UGT1A8: variants seen among roughly 807,000 people sequenced by gnomAD.
UGT1A8 encodes the protein UDP-glucuronosyltransferase 1A8.
Under a neutral mutation model 45.3 loss-of-function variants are expected in UGT1A8, and 39 were observed. The observed-to-expected ratio is 0.86, with a 90% confidence interval of 0.67 to 1.12. UGT1A8 has a LOEUF of 1.12. Ranked by LOEUF, UGT1A8 falls within the 50% of genes most tolerant of loss-of-function variation. The pLI is 0.00. For synonymous variants in UGT1A8, 275 were observed against 249.2 expected, an observed-to-expected ratio of 1.10 and a Z score of -0.97; for missense variants, 719 against 664.9, an observed-to-expected ratio of 1.08 and a Z score of -0.90.
intron 1 of UGT1A8, among the ~76,000 whole-genome samples, chr2:233,671,697 C>T (rs1390190660): frequency 6.6e-6 from 1 of 152,192 alleles, no homozygotes; most frequent in East Asian, 1.9e-4. Flanking sequence ...TGTTCTGCCC[C>T]CAAGGCAAAG....
chr2:233,721,801 A>T, intron 1 of UGT1A8: 1 of 514,724 alleles, frequency 1.9e-6, no homozygotes, highest in Non-Finnish European at 3.9e-6. Context: ...AAGCACATGC[A>T]GCAAAAATCC....
chr2:233,683,579 T>A (rs2074640899), intron 1 of UGT1A8, among the ~76,000 whole-genome samples: 1 of 152,208 alleles, frequency 6.6e-6, no homozygotes, highest in South Asian at 2.1e-4. Context: ...ATCTTCCTAC[T>A]CAAGAATATG....
intron 1 of UGT1A8, among the ~76,000 whole-genome samples, chr2:233,661,026 T>C (rs1034201364): frequency 1.3e-5 from 2 of 152,114 alleles, no homozygotes; most frequent in Non-Finnish European, 2.9e-5. Context: ...CATATTAGAG[T>C]ATATAGGTAT....
intron 1 of UGT1A8, among the ~76,000 whole-genome samples, chr2:233,705,446 C>G (rs1313066011): frequency 6.6e-6 from 1 of 152,110 alleles, no homozygotes. Flanking sequence ...TTCAGAATTG[C>G]ACATATTTTT....
chr2:233,618,234 A>C lies in UGT1A8; in HGVS notation c.527A>C (p.Tyr176Ser). Reference sequence around the variant, plus strand: ...TTCGCCAGGGGAATAGCTTGCCACTATCTTGAAGAAGGTGCACAGTGCCCT... The same window carrying C: ...TTCGCCAGGGGAATAGCTTGCCACTCTCTTGAAGAAGGTGCACAGTGCCCT... Reference protein sequence around the residue: ...VVFARGIACHYLEEGAQCPAP... With the variant: ...VVFARGIACHSLEEGAQCPAP... The change falls in exon 1 of 5, where the codon TAT becomes TCT. Residue 176 changes from tyrosine (Y) to serine (S), a missense_variant. Physicochemically the swap from Tyr to Ser is moderately radical, Grantham distance 144 (BLOSUM62 -2). Coordinates refer to ENST00000373450, the MANE Select transcript of UGT1A8 (RefSeq NM_019076.5). 1.9e-6 allele frequency: 3 copies of C among 1,613,944 alleles called. No homozygotes were observed. The highest frequency in any genetic ancestry group is 2.5e-6 in the Non-Finnish European group (3 of 1,179,880).
chr2:233,719,036 G>T lies in UGT1A8; in HGVS notation c.856-47998G>T, dbSNP rs148862762. Reference sequence around the variant, plus strand: ...AGGTGAATATGCACATCAAAGAAGAGAAATTTTTCACCCTGACAGCCTATG... The same window carrying T: ...AGGTGAATATGCACATCAAAGAAGATAAATTTTTCACCCTGACAGCCTATG... On this transcript the variant is annotated intron_variant, in intron 1 of 4. Transcript: ENST00000373450. 1.2e-4 allele frequency: 194 copies of T among 1,614,156 alleles called. 1 individual carries two copies. The highest frequency in any genetic ancestry group is 3.6e-5 in the Non-Finnish European group (43 of 1,180,050).
chr2:233,670,101 T>C (rs1215329828), intron 1 of UGT1A8, among the ~76,000 whole-genome samples: 32 of 152,240 alleles, frequency 2.1e-4, no homozygotes, highest in Admixed American at 2.1e-3. Context: ...ATATGTGTTA[T>C]ATACTGTATT....
At chr2:233,682,724 A>C in intron 1 of UGT1A8, 1 of 1,613,894 alleles carries the variant, frequency 6.2e-7, no homozygotes, top group South Asian at 1.1e-5. Context: ...GGAGTATCCC[A>C]AACCCGTGAT....
At position 233,636,858 on chromosome 2, in the gene UGT1A8, A is replaced by C. The variant is rs369963685; in HGVS notation, c.855+18296A>C. The C allele has an allele frequency of 1.4e-5, 22 of 1,614,194 alleles. No individual in the cohort carries two copies. The African/African-American group carries it at 2.3e-4, about 17-fold the overall frequency. On this transcript the variant is annotated intron_variant, in intron 1 of 4. Coordinates refer to ENST00000373450, the MANE Select transcript of UGT1A8 (RefSeq NM_019076.5). Reference sequence around the variant, plus strand: ...GTATATTTTCTCTATTAATGAGTTCATCCAGTGGTTTTCTTGACTTATTTT... The same window carrying C: ...GTATATTTTCTCTATTAATGAGTTCCTCCAGTGGTTTTCTTGACTTATTTT...
chr2:233,676,513 C>T (rs2125509666), intron 1 of UGT1A8, among the ~76,000 whole-genome samples: 1 of 152,268 alleles, frequency 6.6e-6, no homozygotes, highest in African/African-American at 2.4e-5. Flanking sequence ...AAGTCTGTTT[C>T]CTTCAGATTT....
intron 1 of UGT1A8, among the ~76,000 whole-genome samples, chr2:233,689,179 T>A (rs10179094): frequency 0.34 from 51,681 of 152,064 alleles, 9,200 homozygotes; most frequent in South Asian, 0.41. Flanking sequence ...CTAGGACAGG[T>A]GCCCCTGGAA....
intron 1 of UGT1A8, chr2:233,718,627 T>C (rs1335320809): frequency 1.1e-6 from 1 of 929,164 alleles, no homozygotes; most frequent in Non-Finnish European, 1.3e-6. Flanking sequence ...GTGATTGGTC[T>C]TTCCCAGGGT....
chr2:233,684,809 C>A (rs2074702200), intron 1 of UGT1A8, among the ~76,000 whole-genome samples: 1 of 152,130 alleles, frequency 6.6e-6, no homozygotes. Context: ...GGCTCAACCA[C>A]AAAAGTAAAT....
intron 1 of UGT1A8, among the ~76,000 whole-genome samples, chr2:233,716,620 A>G (rs1358679333): frequency 2.0e-5 from 3 of 152,166 alleles, no homozygotes; most frequent in Non-Finnish European, 2.9e-5. Context: ...GGTTTATTCT[A>G]GTGAAGTTTT....
Position 233,767,921 on chromosome 2 carries a change from C to T in UGT1A8, c.1060C>T (p.Gln354Ter), listed in dbSNP as rs72551350. 5.6e-6 allele frequency: 9 copies of T among 1,614,068 alleles called. No homozygotes were observed. Among genetic ancestry groups the T allele is most frequent in the Non-Finnish European group, 7.6e-6 (9 of 1,180,058 alleles). ...NNTILVKWLP[Q>*]NDLLGHPMTR... ...CACGATACTTGTTAAGTGGCTACCC[C>T]AAAACGATCTGCTTGGTATGTTGGG... The change falls in exon 3 of 5, where the codon CAA becomes TAA. Residue 354 changes from glutamine (Q) to a stop codon, truncating the protein, a stop_gained. Coordinates refer to ENST00000373450, the MANE Select transcript of UGT1A8 (RefSeq NM_019076.5). LOFTEE classifies it high-confidence loss of function.
intron 1 of UGT1A8, among the ~76,000 whole-genome samples, chr2:233,687,245 A>G (rs991144087): frequency 6.6e-6 from 1 of 152,186 alleles, no homozygotes; most frequent in Non-Finnish European, 1.5e-5. Flanking sequence ...CCTCCACAAG[A>G]TTAATGATCT....
chr2:233,647,070 C>T (rs1323093558), intron 1 of UGT1A8, among the ~76,000 whole-genome samples: 1 of 152,154 alleles, frequency 6.6e-6, no homozygotes, highest in Non-Finnish European at 1.5e-5. Context: ...TGGCAGCAGG[C>T]AAAGAAAGAG....
chr2:233,760,984 C>T lies in UGT1A8; in HGVS notation c.856-6050C>T. 6.2e-7 allele frequency: 1 copy of T among 1,614,234 alleles called. No individual in the cohort carries two copies. The highest frequency in any genetic ancestry group is 8.5e-7 in the Non-Finnish European group (1 of 1,180,042). ...CGTGGTTTATTCCCCGTATGCAACC[C>T]TTGCCTCAGAATTCCTTCAGAGAGA... is the stretch of plus-strand genomic sequence containing the variant. On this transcript the variant is annotated intron_variant, in intron 1 of 4. Coordinates refer to ENST00000373450, the MANE Select transcript of UGT1A8 (RefSeq NM_019076.5).
At chr2:233,699,443 T>G (rs1417933041) in intron 1 of UGT1A8, among the ~76,000 whole-genome samples, 1 of 152,204 alleles carries the variant, frequency 6.6e-6, no homozygotes, top group African/African-American at 2.4e-5. Context: ...ATTGGAGTGT[T>G]TTCCTTAGAA....
Sources: allele counts gnomAD v4.1 joint callset (sites outside exome capture counted in the v4.1 genomes callset), GRCh38; gene constraint gnomAD v4.1.1; transcripts MANE v1.5; gene names NCBI Gene and HGNC (gene_info 2026-07-23, HGNC 2026-07-21).